The following DEFB125 variants were observed in gnomAD, a reference collection of about 807,000 sequenced individuals.
DEFB125 encodes beta-defensin 125.
Under a neutral mutation model 11.8 loss-of-function variants are expected in DEFB125, and 11 were observed. The observed-to-expected ratio is 0.94, with a 90% CI of 0.59 to 1.55. The LOEUF (loss-of-function observed/expected upper bound fraction) is 1.55, where lower values mean the gene tolerates loss of function less well. Among genes scored for constraint, DEFB125 ranks in the 40% most tolerant of loss-of-function variants. The probability of loss-of-function intolerance (pLI) is 0.00; values close to 1 mark genes in which losing one functional copy is unlikely to be tolerated. For missense variants in DEFB125, 198 were observed against 191.2 expected (o/e 1.04, Z -0.21); for synonymous variants, 79 against 66.7 (o/e 1.18, Z -0.90).
At chr20:91,258 G>A (rs978204148) in intron 1 of DEFB125, among the ~76,000 whole-genome samples, 1 of 151,938 alleles carries the variant, frequency 6.6e-6, no homozygotes, top group East Asian at 1.9e-4. Context: ...CTACTCTGTG[G>A]GCTACATCTT....
intron 1 of DEFB125, among the ~76,000 whole-genome samples, chr20:93,235 C>T (rs928210686): frequency 6.6e-6 from 1 of 152,156 alleles, no homozygotes; most frequent in Non-Finnish European, 1.5e-5. Context: ...TCCCAAAGTG[C>T]TGGGATTACA....
At chr20:92,725 G>A (rs2054500999) in intron 1 of DEFB125, among the ~76,000 whole-genome samples, 1 of 151,926 alleles carries the variant, frequency 6.6e-6, no homozygotes, top group South Asian at 2.1e-4. Flanking sequence ...ATTTTGTCCT[G>A]ACCTTTATTT....
chr20:95,920 C>A, intron 1 of DEFB125, 85 bp from the exon 2 acceptor site: 1 of 1,258,460 alleles, frequency 7.9e-7, no homozygotes, highest in Non-Finnish European at 1.1e-6. Flanking sequence ...GTCTAGATGT[C>A]AGTCAGTGTA....
At chr20:90,013 T>C (rs1023215105) in intron 1 of DEFB125, among the ~76,000 whole-genome samples, 9 of 152,204 alleles carry the variant, frequency 5.9e-5, no homozygotes, top group African/African-American at 2.2e-4. Context: ...AAGCAACTTT[T>C]TACCAAGCCA....
At chr20:88,544 A>G (rs892081933) in intron 1 of DEFB125, among the ~76,000 whole-genome samples, 4 of 152,102 alleles carry the variant, frequency 2.6e-5, no homozygotes, top group Non-Finnish European at 5.9e-5. Flanking sequence ...CAATGTTACC[A>G]ATTTCTTATA....
At chr20:91,576 G>A (rs2054496336) in intron 1 of DEFB125, among the ~76,000 whole-genome samples, 1 of 152,126 alleles carries the variant, frequency 6.6e-6, no homozygotes, top group African/African-American at 2.4e-5. Context: ...GTACCTCAAG[G>A]GCCCAGGATA....
At position 88,026 on chromosome 20, in the gene DEFB125, T is replaced by G. The variant is rs148031635; in HGVS notation, c.58+259T>G. On this transcript the variant is annotated intron_variant, in intron 1 of 1. Coordinates refer to ENST00000382410, the MANE Select transcript of DEFB125 (RefSeq NM_153325.4). ...CCTTAATGCTCTGAGCCACCCTATC[T>G]GTCTCTCTACATAACTATCCAATGT... is the stretch of plus-strand genomic sequence containing the variant. 5.6e-3 allele frequency among the ~76,000 whole-genome samples: 860 copies of G among 152,342 alleles called. 7 individuals are homozygous for G. Among genetic ancestry groups the G allele is most frequent in the African/African-American group, 0.02 (820 of 41,582 alleles).
rs1200872592 is a variant in DEFB125, at chr20:96,332, C to T, written c.386C>T (p.Thr129Ile). The part of the protein sequence containing the change: ...ETTMPPSEAT[T>I]PETTMPPSET... Reference sequence around the variant, plus strand: ...ACTATGCCACCATCTGAGGCCACTACTCCCGAGACTACTATGCCACCATCT... The same window carrying T: ...ACTATGCCACCATCTGAGGCCACTATTCCCGAGACTACTATGCCACCATCT... Residue 129 changes from threonine to isoleucine, a missense_variant, in exon 2 of 2, where the codon ACT (threonine) becomes ATT (isoleucine). By Grantham distance (89) the Thr-to-Ile change is moderately conservative. Transcript: ENST00000382410. 3.7e-6 allele frequency: 6 copies of T among 1,613,382 alleles called. No homozygotes were observed. In the Admixed American group the frequency reaches 8.3e-5, roughly 22 times the overall value.
chr20:93,117 C>G (rs574955704), intron 1 of DEFB125, among the ~76,000 whole-genome samples: 2 of 152,044 alleles, frequency 1.3e-5, no homozygotes, highest in Admixed American at 1.3e-4. Context: ...ACTACAGGTG[C>G]TCGCCACCAT....
Position 96,495 on chromosome 20 carries a change from A to G in DEFB125, c.*78A>G. 2 of 1,488,100 alleles carry G rather than the reference A, an allele frequency of 1.3e-6. No homozygotes were observed. Among genetic ancestry groups the G allele is most frequent in the Admixed American group, 2.2e-5 (1 of 46,494 alleles). The allele number at this position is 1,488,100 out of a possible 1,614,324, so 92.2% of individuals were successfully genotyped here. ...CCAAAGAGCTGATTCTACCAATCCA[A>G]TTTCACCAGGAAAATTCCATCAGGG... On this transcript the variant is annotated 3_prime_UTR_variant, in exon 2 of 2. Coordinates refer to ENST00000382410, the MANE Select transcript of DEFB125 (RefSeq NM_153325.4).
chr20:93,364 C>G (rs901739388), intron 1 of DEFB125, among the ~76,000 whole-genome samples: 3 of 152,180 alleles, frequency 2.0e-5, no homozygotes, highest in Non-Finnish European at 4.4e-5. Context: ...ACATTGCTCT[C>G]TAACAAGTTA....
At chr20:87,824 T>C in intron 1 of DEFB125, 57 bp downstream of exon 1, 3 of 1,556,362 alleles carry the variant, frequency 1.9e-6, no homozygotes, top group Non-Finnish European at 2.7e-6. Flanking sequence ...GCCCTTGGGC[T>C]CCCCTGGTAT....
At position 94,840 on chromosome 20, in the gene DEFB125, G is replaced by T. The variant is rs373186825; in HGVS notation, c.59-1165G>T. Among the ~76,000 whole-genome samples, 4 of 152,122 alleles carry T rather than the reference G, an allele frequency of 2.6e-5. No homozygotes were observed. In the South Asian group the frequency reaches 8.3e-4, roughly 32 times the overall value. ...CTCAACTTTTTTAGCTCCTGCTTAT[G>T]AATGAAAACATGTGGTATTTATCTT... On this transcript the variant is annotated intron_variant, in intron 1 of 1. Coordinates refer to ENST00000382410, the MANE Select transcript of DEFB125 (RefSeq NM_153325.4).
chr20:89,941 AT>A (rs2054490311), intron 1 of DEFB125, among the ~76,000 whole-genome samples: 1 of 152,034 alleles, frequency 6.6e-6, no homozygotes, highest in Non-Finnish European at 1.5e-5. Context: ...AAATTTAGCT[AT>A]TTAGTCTCTC....
chr20:94,402 C>T (rs960186504), intron 1 of DEFB125, among the ~76,000 whole-genome samples: 4 of 152,076 alleles, frequency 2.6e-5, no homozygotes, highest in South Asian at 2.1e-4. Context: ...ACAGTTTTTT[C>T]GACGAGGTGA....
chr20:91,763 G>A (rs568673485), intron 1 of DEFB125, among the ~76,000 whole-genome samples: 1 of 152,314 alleles, frequency 6.6e-6, no homozygotes, highest in South Asian at 2.1e-4. Flanking sequence ...GAGCCAAGAT[G>A]ACATATTTCA....
chr20:88,128 A>G (rs2054482782), intron 1 of DEFB125, among the ~76,000 whole-genome samples: 1 of 152,088 alleles, frequency 6.6e-6, no homozygotes, highest in Non-Finnish European at 1.5e-5. Flanking sequence ...TAGTTCTCCT[A>G]CCATCTTGAA....
At chr20:92,503 C>T (rs765982893) in intron 1 of DEFB125, among the ~76,000 whole-genome samples, 1 of 151,802 alleles carries the variant, frequency 6.6e-6, no homozygotes, top group Non-Finnish European at 1.5e-5. Flanking sequence ...AGTGATTCTC[C>T]TGCCTCAGCC....
intron 1 of DEFB125, among the ~76,000 whole-genome samples, chr20:89,674 T>C (rs1378280863): frequency 6.6e-6 from 1 of 151,986 alleles, no homozygotes; most frequent in African/African-American, 2.4e-5. Flanking sequence ...AGATGTACTT[T>C]TTTCTGTCTG....
Sources: allele counts gnomAD v4.1 joint callset (sites outside exome capture counted in the v4.1 genomes callset), GRCh38; gene constraint gnomAD v4.1.1; transcripts MANE v1.5; gene names NCBI Gene and HGNC (gene_info 2026-07-23, HGNC 2026-07-21).